HIPK2: variants seen among roughly 807,000 people sequenced by gnomAD.
The protein encoded by HIPK2 is homeodomain interacting protein kinase 2.
In HIPK2, 27 loss-of-function variants were observed where a neutral mutation model predicts 113.7. The ratio of observed to expected loss-of-function variants is 0.24; its 90% CI spans 0.17 to 0.33. The LOEUF is 0.33. HIPK2 is among the 10% of genes least tolerant of loss of function. HIPK2 has a pLI of 1.00. For synonymous variants in HIPK2, 631 were observed against 642.2 expected (o/e 0.98, Z 0.26); for missense variants, 1,257 against 1,588.0 (o/e 0.79, Z 3.54).
At chr7:139,694,188 CTCTT>C (rs1162711789) in intron 2 of HIPK2, among the ~76,000 whole-genome samples, 3 of 152,184 alleles carry the variant, frequency 2.0e-5, no homozygotes, top group Non-Finnish European at 4.4e-5. Flanking sequence ...AATTCATCTG[CTCTT>C]TCTGACTCAT....
chr7:139,663,860 C>G (rs374170365), intron 2 of HIPK2, among the ~76,000 whole-genome samples: 1 of 152,170 alleles, frequency 6.6e-6, no homozygotes, highest in East Asian at 1.9e-4. Context: ...CCTGCTTTCC[C>G]GAAGCCCACC....
chr7:139,768,389 C>G (rs1227851450), intron 1 of HIPK2, among the ~76,000 whole-genome samples: 1 of 152,126 alleles, frequency 6.6e-6, no homozygotes, highest in South Asian at 2.1e-4. Context: ...AGGCAGGGCT[C>G]AAGTTTTGGT....
At chr7:139,726,555 GAAA>G (rs1795581765) in intron 1 of HIPK2, among the ~76,000 whole-genome samples, 1 of 152,192 alleles carries the variant, frequency 6.6e-6, no homozygotes, top group African/African-American at 2.4e-5. Context: ...TATCTACGTT[GAAA>G]TGTCCAGTGT....
intron 13 of HIPK2, among the ~76,000 whole-genome samples, chr7:139,576,798 A>G (rs1348976877): frequency 6.6e-6 from 1 of 152,244 alleles, no homozygotes; most frequent in East Asian, 1.9e-4. Flanking sequence ...AGGACAGGGC[A>G]TGAGTGTCCA....
intron 1 of HIPK2, among the ~76,000 whole-genome samples, chr7:139,758,303 C>T (rs1169409983): frequency 6.6e-6 from 1 of 152,018 alleles, no homozygotes; most frequent in African/African-American, 2.4e-5. Flanking sequence ...ACATAGAGTC[C>T]AGAAATAGAC....
At position 139,572,957 on chromosome 7, in the gene HIPK2, G is replaced by T; in HGVS notation, c.3567C>A (p.Pro1189=). 1 of 1,581,188 alleles carries T rather than the reference G, an allele frequency of 6.3e-7. No homozygotes were observed. The change falls in exon 15 of 15, where the codon CCC becomes CCA. Residue 1189 remains proline, a synonymous_variant. Coordinates refer to ENST00000406875, the MANE Select transcript of HIPK2 (RefSeq NM_022740.5). ...STVYTGYPLS[P]AKVNQYPYI ...TGTAAGGGTACTGGTTGACCTTGGC[G>T]GGGCTCAGTGGGTATCCAGTGTAGA...
chr7:139,625,105 C>A (rs190615832), intron 6 of HIPK2, among the ~76,000 whole-genome samples: 1 of 152,278 alleles, frequency 6.6e-6, no homozygotes, highest in Non-Finnish European at 1.5e-5. Context: ...ATCCACATGC[C>A]CCTCGTCCAT....
chr7:139,763,953 TTGG>T (rs898755274), intron 1 of HIPK2, among the ~76,000 whole-genome samples: 13 of 152,196 alleles, frequency 8.5e-5, no homozygotes, highest in Non-Finnish European at 1.5e-4. Flanking sequence ...GTGTGTTTTG[TTGG>T]TGATTTTGCT....
At chr7:139,708,033 T>C (rs888400487) in intron 2 of HIPK2, among the ~76,000 whole-genome samples, 2 of 151,998 alleles carry the variant, frequency 1.3e-5, no homozygotes, top group African/African-American at 4.8e-5. Flanking sequence ...CCACAAGGAA[T>C]CTGACAAACG....
intron 2 of HIPK2, among the ~76,000 whole-genome samples, chr7:139,690,546 A>G (rs1794374667): frequency 6.6e-6 from 1 of 152,090 alleles, no homozygotes; most frequent in Non-Finnish European, 1.5e-5. Flanking sequence ...TGTAAAAAAG[A>G]GCCAGCCCCA....
chr7:139,705,054 C>T (rs1794849053), intron 2 of HIPK2, among the ~76,000 whole-genome samples: 1 of 152,242 alleles, frequency 6.6e-6, no homozygotes, highest in South Asian at 2.1e-4. Context: ...CATCCAGGCC[C>T]TTGTTCCTTT....
chr7:139,671,074 T>C (rs1364484542), intron 2 of HIPK2, among the ~76,000 whole-genome samples: 1 of 152,174 alleles, frequency 6.6e-6, no homozygotes, highest in Non-Finnish European at 1.5e-5. Context: ...AATAGGTTTT[T>C]AAAGCCAATT....
intron 1 of HIPK2, among the ~76,000 whole-genome samples, chr7:139,739,982 C>T (rs1796052082): frequency 6.6e-6 from 1 of 152,178 alleles, no homozygotes; most frequent in African/African-American, 2.4e-5. Context: ...TGGGCTGCTT[C>T]TCCTTTTCGC....
At chr7:139,661,943 A>T (rs1409610772) in intron 2 of HIPK2, among the ~76,000 whole-genome samples, 1 of 152,174 alleles carries the variant, frequency 6.6e-6, no homozygotes, top group Non-Finnish European at 1.5e-5. Flanking sequence ...GAGTCTTTTA[A>T]TATTATTTCA....
intron 1 of HIPK2, among the ~76,000 whole-genome samples, chr7:139,768,226 TTG>T (rs1006782427): frequency 1.3e-5 from 2 of 152,168 alleles, no homozygotes; most frequent in African/African-American, 4.8e-5. Flanking sequence ...ACTCCCTAGT[TTG>T]TGTCTTATAA....
intron 11 of HIPK2, among the ~76,000 whole-genome samples, chr7:139,599,685 T>C (rs1339382089): frequency 1.3e-5 from 2 of 152,256 alleles, no homozygotes; most frequent in Non-Finnish European, 2.9e-5. Flanking sequence ...TAGTATTTTT[T>C]AAAACATTTT....
chr7:139,690,063 C>T (rs892728477), intron 2 of HIPK2, among the ~76,000 whole-genome samples: 1 of 9,812 alleles, frequency 1.0e-4, no homozygotes, highest in Non-Finnish European at 2.1e-4. Context: ...GCGGTGGGGG[C>T]GGGGGTGGGG....
intron 2 of HIPK2, among the ~76,000 whole-genome samples, chr7:139,669,873 G>C (rs560343904): frequency 6.6e-6 from 1 of 152,128 alleles, no homozygotes; most frequent in African/African-American, 2.4e-5. Flanking sequence ...AGGTCAACAC[G>C]AAAGCCAGGC....
In HIPK2 at chr7:139,618,658, G is replaced by GC. The variant is rs141233139; in HGVS notation, c.1782+1742dup. ...TCATATCACCAGCAAGATGGCGGTGGCCCCCCACCCCGCGTCTGGTCAGGG... is the reference window on the plus strand; with the variant it reads ...TCATATCACCAGCAAGATGGCGGTGGCCCCCCCACCCCGCGTCTGGTCAGGG... On this transcript the variant is annotated intron_variant, in intron 7 of 14. Coordinates refer to ENST00000406875, the MANE Select transcript of HIPK2 (RefSeq NM_022740.5). 4.7e-3 allele frequency among the ~76,000 whole-genome samples: 711 copies of GC among 152,256 alleles called. 6 individuals are homozygous for GC. The highest frequency in any genetic ancestry group is 0.016 in the African/African-American group (684 of 41,540).
Sources: gnomAD v4.1 joint callset for allele counts (sites outside exome capture counted in the v4.1 genomes callset) on GRCh38, gnomAD v4.1.1 for gene constraint, MANE v1.5 for transcripts, NCBI Gene and HGNC (gene_info 2026-07-23, HGNC 2026-07-21) for gene names.